The following PTP4A3 variants were observed in gnomAD, a reference collection of about 807,000 sequenced individuals.
PTP4A3 encodes protein tyrosine phosphatase 4A3.
PTP4A3 carries 9 observed loss-of-function variants against 15.2 expected under a neutral mutation model. That is an observed-to-expected ratio of 0.59 (90% CI 0.36 to 1.03). PTP4A3 has a LOEUF of 1.03. PTP4A3 is among the 50% of genes least tolerant of loss of function. The pLI is 0.02. For missense variants in PTP4A3, 234 were observed against 252.1 expected (o/e 0.93, Z 0.49); for synonymous variants, 95 against 102.0 (o/e 0.93, Z 0.41).
Position 141,431,128 on chromosome 8 carries a change from A to T in PTP4A3, c.*84A>T, listed in dbSNP as rs766462343. On this transcript the variant is annotated 3_prime_UTR_variant, in exon 6 of 6. Transcript: ENST00000521578. ...GGCCCTGCCCAGCCCTGCTCTGCCC[A>T]GCCCAGCAGGGGCTCCAGGCCTTGG... The T allele has an allele frequency of 3.7e-6, 5 of 1,338,660 alleles. No individual in the cohort carries two copies. The highest frequency in any genetic ancestry group is 1.5e-5 in the African/African-American group (1 of 68,198). The allele number at this position is 1,338,660 out of a possible 1,614,324, so 82.9% of individuals were successfully genotyped here.
intron 5 of PTP4A3, among the ~76,000 whole-genome samples, chr8:141,430,553 C>T (rs1452564396): frequency 6.6e-6 from 1 of 152,200 alleles, no homozygotes; most frequent in Non-Finnish European, 1.5e-5. Context: ...TGGGCTCAGC[C>T]CCTCCCTTAC....
At chr8:141,430,829 T>A in intron 5 of PTP4A3, 98 bp from the exon 6 acceptor site, 1 of 1,190,982 alleles carries the variant, frequency 8.4e-7, no homozygotes, top group East Asian at 2.4e-5. Flanking sequence ...AAGGCCTTAC[T>A]CCAGCCCACT....
At chr8:141,428,936 C>T (rs532399588) in intron 5 of PTP4A3, among the ~76,000 whole-genome samples, 2 of 152,334 alleles carry the variant, frequency 1.3e-5, no homozygotes, top group South Asian at 2.1e-4. Context: ...CTCACACATG[C>T]GGGTGCACAC....
Position 141,432,377 on chromosome 8 carries a change from C to T in PTP4A3, c.*1333C>T, listed in dbSNP as rs1405602842. The T allele has an allele frequency of 2.0e-5, 3 of 152,244 alleles. No individual in the cohort carries two copies. The highest frequency in any genetic ancestry group is 6.5e-5 in the Admixed American group (1 of 15,290). 9.4% of individuals were successfully genotyped at this position (152,244 alleles called of 1,614,324 possible). On this transcript the variant is annotated 3_prime_UTR_variant, in exon 6 of 6. Coordinates refer to ENST00000521578, the MANE Select transcript of PTP4A3 (RefSeq NM_032611.3). ...CAGCTCCTGTGTGGAGAAAGGGCAA[C>T]AGCTGTCCCGGATGGTTATTCTCTC...
chr8:141,426,388 G>A (rs927129447), intron 3 of PTP4A3: 3 of 961,382 alleles, frequency 3.1e-6, no homozygotes, highest in African/African-American at 1.9e-5. Flanking sequence ...GCAATGGGCC[G>A]GGGCCCGGTG....
chr8:141,398,871 G>T lies in PTP4A3; in HGVS notation c.-854+6787G>T, dbSNP rs548871451. 5.3e-4 allele frequency among the ~76,000 whole-genome samples: 80 copies of T among 152,108 alleles called. 1 individual carries two copies. The highest frequency in any genetic ancestry group is 1.0e-3 in the Non-Finnish European group (71 of 67,990). On this transcript the variant is annotated intron_variant, in intron 1 of 5. Coordinates refer to ENST00000521578, the MANE Select transcript of PTP4A3 (RefSeq NM_032611.3). ...CTAGTCCCTCTGGGGAGCTGCAGGAGCCTGTTCCCACGGCCTCGTCCTCAC... is the reference window on the plus strand; with the variant it reads ...CTAGTCCCTCTGGGGAGCTGCAGGATCCTGTTCCCACGGCCTCGTCCTCAC...
At chr8:141,415,389 G>A (rs1832999742) in intron 1 of PTP4A3, among the ~76,000 whole-genome samples, 3 of 151,580 alleles carry the variant, frequency 2.0e-5, no homozygotes, top group Admixed American at 6.6e-5. Flanking sequence ...CGCTGTTACA[G>A]GGCCCTAGGG....
At position 141,426,153 on chromosome 8, in the gene PTP4A3, C is replaced by G. The variant is rs556963696; in HGVS notation, c.199-786C>G. On this transcript the variant is annotated intron_variant, in intron 3 of 5. Coordinates refer to ENST00000521578, the MANE Select transcript of PTP4A3 (RefSeq NM_032611.3). ...GATGCCCCCGAGGGCTGTGTGTCTG[C>G]CTCAGTGGGCCCAGCGGGCTCTCCC... is the stretch of plus-strand genomic sequence containing the variant. Among the ~76,000 whole-genome samples, 435 of 152,250 alleles carry G rather than the reference C, an allele frequency of 2.9e-3. 4 individuals carry two copies. Among genetic ancestry groups the G allele is most frequent in the African/African-American group, 9.9e-3 (412 of 41,534 alleles).
At chr8:141,411,901 A>G (rs1832881115) in intron 1 of PTP4A3, among the ~76,000 whole-genome samples, 1 of 152,146 alleles carries the variant, frequency 6.6e-6, no homozygotes, top group Non-Finnish European at 1.5e-5. Flanking sequence ...TAGGCCCTGA[A>G]TCCTGTCTCA....
chr8:141,403,033 G>T (rs993693677), intron 1 of PTP4A3, among the ~76,000 whole-genome samples: 1 of 152,162 alleles, frequency 6.6e-6, no homozygotes. Flanking sequence ...CTGTTCTTCC[G>T]TCCAGCCTCC....
chr8:141,402,009 A>G (rs1323064520), intron 1 of PTP4A3, among the ~76,000 whole-genome samples: 1 of 151,948 alleles, frequency 6.6e-6, no homozygotes, highest in Admixed American at 6.6e-5. Flanking sequence ...GGGATCCCAC[A>G]CCTCCCCTGA....
chr8:141,430,922 C>G lies in PTP4A3; in HGVS notation c.405-5C>G, dbSNP rs374344486. 5 of 1,612,774 alleles carry G rather than the reference C, an allele frequency of 3.1e-6. No homozygotes were observed. In the Admixed American group the frequency reaches 6.7e-5, roughly 22 times the overall value. Reference sequence around the variant, plus strand: ...TGATCTCTGTTCCTGTTCCCCTCTTCCCAGGAAGCGCCGCGGAGCCATCAA... The same window carrying G: ...TGATCTCTGTTCCTGTTCCCCTCTTGCCAGGAAGCGCCGCGGAGCCATCAA... On this transcript the variant is annotated splice_region_variant and splice_polypyrimidine_tract_variant and intron_variant, in intron 5 of 5. Transcript: ENST00000521578.
At chr8:141,399,697 C>T (rs1832537568) in intron 1 of PTP4A3, among the ~76,000 whole-genome samples, 1 of 152,236 alleles carries the variant, frequency 6.6e-6, no homozygotes, top group South Asian at 2.1e-4. Flanking sequence ...TCGGTGACTG[C>T]AATGGATGGA....
intron 1 of PTP4A3, among the ~76,000 whole-genome samples, chr8:141,412,543 G>A (rs1832897338): frequency 6.6e-6 from 1 of 152,210 alleles, no homozygotes; most frequent in African/African-American, 2.4e-5. Context: ...TCCCCTGGAT[G>A]GTCCAGGGGT....
intron 1 of PTP4A3, among the ~76,000 whole-genome samples, chr8:141,395,425 C>T (rs1563721808): frequency 6.6e-6 from 1 of 152,330 alleles, no homozygotes; most frequent in South Asian, 2.1e-4. Context: ...TAGTGGCAGC[C>T]TCCTGGTTTG....
chr8:141,428,268 C>A (rs7812698), intron 5 of PTP4A3, among the ~76,000 whole-genome samples: 6 of 152,130 alleles, frequency 3.9e-5, no homozygotes, highest in Non-Finnish European at 5.9e-5. Context: ...ACCCCTCCCC[C>A]CAACCCCGAG....
intron 1 of PTP4A3, among the ~76,000 whole-genome samples, chr8:141,407,106 A>G (rs1489243827): frequency 6.6e-6 from 1 of 152,112 alleles, no homozygotes; most frequent in East Asian, 1.9e-4. Context: ...CCTGCCCAGC[A>G]TCCTCCCTTG....
At chr8:141,402,545 C>T (rs1189356803) in intron 1 of PTP4A3, among the ~76,000 whole-genome samples, 2 of 152,172 alleles carry the variant, frequency 1.3e-5, no homozygotes, top group Non-Finnish European at 2.9e-5. Context: ...TGGGGCCTTG[C>T]GCCCTGTGTT....
rs910016247 is a variant in PTP4A3, at chr8:141,392,059, C to G, written c.-879C>G. 6.8e-6 allele frequency: 1 copy of G among 146,950 alleles called. No homozygotes were observed. The highest frequency in any genetic ancestry group is 2.4e-5 in the African/African-American group (1 of 40,896). 9.1% of individuals were successfully genotyped at this position (146,950 alleles called of 1,614,324 possible). A position where few individuals can be genotyped will look rare whatever the true frequency, so the allele number is the denominator to read the frequency against. On this transcript the variant is annotated 5_prime_UTR_variant, in exon 1 of 6. Transcript: ENST00000521578. The stretch of plus-strand genomic sequence containing the variant: ...CGCGCGTCCCGAGCCCTCCACCCGT[C>G]GTGCCGGCGCCGCCCGGACCGCCAG...
Sources: allele counts gnomAD v4.1 joint callset (sites outside exome capture counted in the v4.1 genomes callset), GRCh38; gene constraint gnomAD v4.1.1; transcripts MANE v1.5; gene names NCBI Gene and HGNC (gene_info 2026-07-23, HGNC 2026-07-21).